MAST4: variants seen among roughly 807,000 people sequenced by gnomAD.
MAST4 encodes microtubule-associated serine/threonine-protein kinase 4.
In MAST4, 89 loss-of-function variants were observed where a neutral mutation model predicts 162.7. That is an observed-to-expected ratio of 0.55 (90% CI 0.46 to 0.65). The LOEUF (loss-of-function observed/expected upper bound fraction) is 0.65. Among genes scored for constraint, MAST4 ranks in the 30% least tolerant of loss-of-function variants. MAST4 has a pLI of 0.00. For synonymous variants in MAST4, 1,479 were observed against 1,361.1 expected, an observed-to-expected ratio of 1.09 and a Z score of -1.91; for missense variants, 3,153 against 3,374.0, an observed-to-expected ratio of 0.93 and a Z score of 1.62.
chr5:66,612,567 G>T (rs746313764), intron 1 of MAST4, among the ~76,000 whole-genome samples: 3 of 152,182 alleles, frequency 2.0e-5, no homozygotes, highest in Non-Finnish European at 2.9e-5. Context: ...AATAGATCTG[G>T]TCAGGGCCTA....
chr5:66,616,810 C>T (rs1743722185), intron 1 of MAST4, among the ~76,000 whole-genome samples: 1 of 152,160 alleles, frequency 6.6e-6, no homozygotes, highest in Non-Finnish European at 1.5e-5. Context: ...GTAAGACTTC[C>T]TCGTGTAAAT....
At chr5:66,626,313 T>C (rs956287402) in intron 1 of MAST4, among the ~76,000 whole-genome samples, 2 of 152,126 alleles carry the variant, frequency 1.3e-5, no homozygotes, top group Non-Finnish European at 2.9e-5. Context: ...CATTTCACAA[T>C]GTATATGTTT....
At chr5:66,982,151 G>C (rs552535587) in intron 4 of MAST4, among the ~76,000 whole-genome samples, 8 of 152,226 alleles carry the variant, frequency 5.3e-5, no homozygotes. Context: ...CCAGGATCCA[G>C]TCTGCTCCTG....
chr5:67,056,367 T>C (rs1324040551), intron 5 of MAST4, among the ~76,000 whole-genome samples: 2 of 152,274 alleles, frequency 1.3e-5, no homozygotes, highest in East Asian at 1.9e-4. Flanking sequence ...CTCAGCACAG[T>C]GCGCAGCAGT....
At chr5:66,997,082 C>A (rs1750725460) in intron 4 of MAST4, among the ~76,000 whole-genome samples, 1 of 152,034 alleles carries the variant, frequency 6.6e-6, no homozygotes, top group African/African-American at 2.4e-5. Flanking sequence ...TTTCCATATC[C>A]ACAAATCTGT....
At chr5:67,038,952 AC>A (rs1756378084) in intron 4 of MAST4, among the ~76,000 whole-genome samples, 1 of 152,156 alleles carries the variant, frequency 6.6e-6, no homozygotes, top group Non-Finnish European at 1.5e-5. Flanking sequence ...TAATTTAAGG[AC>A]ATAGAAAACA....
At chr5:66,870,454 C>T (rs1727895248) in intron 3 of MAST4, among the ~76,000 whole-genome samples, 1 of 152,090 alleles carries the variant, frequency 6.6e-6, no homozygotes, top group Admixed American at 6.5e-5. Context: ...TCCAGTTTCC[C>T]TTAGTATTTT....
chr5:67,104,330 G>A (rs780653959), intron 9 of MAST4, 36 bp from the exon 10 acceptor site: 29 of 1,472,354 alleles, frequency 2.0e-5, no homozygotes, highest in East Asian at 9.1e-5. Context: ...GTGTTTCCTC[G>A]TATTACATCT....
intron 4 of MAST4, among the ~76,000 whole-genome samples, chr5:66,922,763 A>T (rs1355636024): frequency 2.0e-5 from 3 of 152,200 alleles, no homozygotes; most frequent in African/African-American, 7.2e-5. Flanking sequence ...AGTTGAATTC[A>T]GTAGTGAAAA....
chr5:66,697,306 T>A (rs1749469389), intron 1 of MAST4, among the ~76,000 whole-genome samples: 1 of 152,240 alleles, frequency 6.6e-6, no homozygotes, highest in South Asian at 2.1e-4. Flanking sequence ...ATTTTCCAAG[T>A]GACCGATGTA....
At chr5:66,984,388 A>G (rs1488026807) in intron 4 of MAST4, among the ~76,000 whole-genome samples, 1 of 152,226 alleles carries the variant, frequency 6.6e-6, no homozygotes, top group Non-Finnish European at 1.5e-5. Flanking sequence ...CAGGTCCACA[A>G]GACTTCATAA....
At chr5:66,987,692 C>T (rs9283706) in intron 4 of MAST4, among the ~76,000 whole-genome samples, 1 of 151,956 alleles carries the variant, frequency 6.6e-6, no homozygotes, top group African/African-American at 2.4e-5. Flanking sequence ...TCAAGCCGTA[C>T]AGATCATGTC....
At chr5:67,031,458 G>A (rs888934010) in intron 4 of MAST4, among the ~76,000 whole-genome samples, 1 of 148,258 alleles carries the variant, frequency 6.7e-6, no homozygotes, top group Non-Finnish European at 1.5e-5. Context: ...CATAATGGAT[G>A]GTGACTATTT....
chr5:66,802,152 T>C (rs1414723642), intron 3 of MAST4, among the ~76,000 whole-genome samples: 24 of 152,222 alleles, frequency 1.6e-4, no homozygotes, highest in Admixed American at 1.5e-3. Context: ...TTTCTTGGGG[T>C]TCTAATTTAG....
Position 66,669,257 on chromosome 5 carries a change from G to A in MAST4, c.363+72239G>A, listed in dbSNP as rs1235208686. On this transcript the variant is annotated intron_variant, in intron 1 of 28. Coordinates refer to ENST00000403625, the MANE Select transcript of MAST4 (RefSeq NM_001164664.2). ...GTGCTCTGGGGCGGGGATGCTGCTT[G>A]AAGACTCAACAATCTCGAAATGTGC... 2.0e-5 allele frequency among the ~76,000 whole-genome samples: 3 copies of A among 152,264 alleles called. No homozygotes were observed. In the East Asian group the frequency reaches 5.8e-4, roughly 29 times the overall value.
chr5:67,116,020 C>T (rs1215047360), intron 12 of MAST4, among the ~76,000 whole-genome samples: 5 of 152,130 alleles, frequency 3.3e-5, no homozygotes, highest in African/African-American at 1.2e-4. Context: ...CTGGCAATCA[C>T]TGTAGGCTGA....
chr5:66,756,770 A>G (rs186950656), intron 1 of MAST4, among the ~76,000 whole-genome samples: 8 of 152,320 alleles, frequency 5.3e-5, no homozygotes, highest in Non-Finnish European at 1.0e-4. Flanking sequence ...TGGAAAAATG[A>G]TCTATTTAGA....
intron 1 of MAST4, among the ~76,000 whole-genome samples, chr5:66,624,994 TAAAA>T (rs1280356470): frequency 6.6e-6 from 1 of 152,184 alleles, no homozygotes; most frequent in African/African-American, 2.4e-5. Context: ...TACATAAAAC[TAAAA>T]AGCTTCGTCG....
At chr5:66,711,437 T>G (rs1026825986) in intron 1 of MAST4, among the ~76,000 whole-genome samples, 1 of 152,226 alleles carries the variant, frequency 6.6e-6, no homozygotes, top group Non-Finnish European at 1.5e-5. Context: ...CTTTGGCATG[T>G]GGCCCCTTCT....
Sources: gnomAD v4.1 joint callset for allele counts (sites outside exome capture counted in the v4.1 genomes callset) on GRCh38, gnomAD v4.1.1 for gene constraint, MANE v1.5 for transcripts, NCBI Gene and HGNC (gene_info 2026-07-23, HGNC 2026-07-21) for gene names.